The following MGAT4C variants were observed in gnomAD, a reference collection of about 807,000 sequenced individuals.
MGAT4C encodes MGAT4 family member C.
A neutral mutation model predicts 40.1 loss-of-function variants in MGAT4C; 19 were observed. The ratio of observed to expected loss-of-function variants is 0.47; its 90% CI spans 0.33 to 0.70. MGAT4C has a LOEUF of 0.70. MGAT4C is among the 30% of genes least tolerant of loss of function. The pLI is 0.02. For synonymous variants in MGAT4C, 181 were observed against 187.1 expected (o/e 0.97, Z 0.27); for missense variants, 491 against 563.2 (o/e 0.87, Z 1.30).
At chr12:86,178,157 T>C (rs147605123) in intron 1 of MGAT4C, among the ~76,000 whole-genome samples, 5,356 of 152,228 alleles carry the variant, frequency 0.035, 397 homozygotes, top group East Asian at 0.33. Context: ...AGGATGGTCT[T>C]GATCTCCTGA....
intron 3 of MGAT4C, among the ~76,000 whole-genome samples, chr12:86,429,690 C>G (rs1956996124): frequency 6.6e-6 from 1 of 152,046 alleles, no homozygotes; most frequent in Non-Finnish European, 1.5e-5. Flanking sequence ...TTTCTTATCA[C>G]TTGTCCTCAG....
At chr12:86,817,888 C>G (rs749729292) in intron 1 of MGAT4C, among the ~76,000 whole-genome samples, 2 of 151,330 alleles carry the variant, frequency 1.3e-5, no homozygotes, top group Non-Finnish European at 3.0e-5. Flanking sequence ...GCCTTTTAAA[C>G]TGCCTAAAGC....
chr12:86,511,221 C>G (rs546479288), intron 2 of MGAT4C, among the ~76,000 whole-genome samples: 6 of 151,968 alleles, frequency 3.9e-5, no homozygotes, highest in Non-Finnish European at 5.9e-5. Flanking sequence ...GGAAACTGAA[C>G]AACCTGCTCC....
At chr12:86,314,363 T>C (rs555428101) in intron 4 of MGAT4C, among the ~76,000 whole-genome samples, 1 of 152,274 alleles carries the variant, frequency 6.6e-6, no homozygotes, top group East Asian at 1.9e-4. Flanking sequence ...GAGACCATCC[T>C]AGCCAACATG....
At chr12:86,457,761 T>G (rs7973183) in intron 2 of MGAT4C, among the ~76,000 whole-genome samples, 135,035 of 152,038 alleles carry the variant, frequency 0.89, 60,155 homozygotes, top group East Asian at 1. Flanking sequence ...ACCCACTAAA[T>G]AAATGATGGC....
chr12:85,989,911 C>T (rs1206606139), intron 2 of MGAT4C, among the ~76,000 whole-genome samples: 1 of 152,016 alleles, frequency 6.6e-6, no homozygotes, highest in Non-Finnish European at 1.5e-5. Flanking sequence ...TGAGGTATAA[C>T]TTTAAGGTAA....
chr12:86,673,468 C>T (rs1213820427), intron 2 of MGAT4C, among the ~76,000 whole-genome samples: 1 of 152,120 alleles, frequency 6.6e-6, no homozygotes, highest in East Asian at 1.9e-4. Flanking sequence ...CACACATGCA[C>T]ACACACATAC....
chr12:86,006,271 C>A (rs1399870503), intron 2 of MGAT4C, among the ~76,000 whole-genome samples: 1 of 152,114 alleles, frequency 6.6e-6, no homozygotes, highest in African/African-American at 2.4e-5. Flanking sequence ...AAAGATTCTT[C>A]AAGCTCAAAT....
At chr12:86,689,159 A>G (rs1240561153) in intron 2 of MGAT4C, among the ~76,000 whole-genome samples, 1 of 152,090 alleles carries the variant, frequency 6.6e-6, no homozygotes, top group East Asian at 1.9e-4. Flanking sequence ...TGTATACTTC[A>G]CGAAGTTCTC....
At chr12:86,516,576 T>C (rs1050737829) in intron 2 of MGAT4C, among the ~76,000 whole-genome samples, 9 of 152,050 alleles carry the variant, frequency 5.9e-5, no homozygotes, top group African/African-American at 1.9e-4. Context: ...TTTTCTAATA[T>C]GAGACCAAAA....
At chr12:86,761,961 CA>C (rs1392280223) in intron 1 of MGAT4C, among the ~76,000 whole-genome samples, 1 of 151,894 alleles carries the variant, frequency 6.6e-6, no homozygotes, top group Non-Finnish European at 1.5e-5. Context: ...TTATCTTTGT[CA>C]GGGGGGCATT....
chr12:86,110,160 CAT>C (rs938213682), intron 1 of MGAT4C, among the ~76,000 whole-genome samples: 5 of 146,664 alleles, frequency 3.4e-5, no homozygotes, highest in African/African-American at 5.1e-5. Flanking sequence ...TTTTACGTAA[CAT>C]GTTAGGAGAT....
chr12:86,318,637 C>T (rs1453806738), intron 4 of MGAT4C, among the ~76,000 whole-genome samples: 2 of 151,958 alleles, frequency 1.3e-5, no homozygotes, highest in African/African-American at 4.8e-5. Context: ...AAGTCATGAA[C>T]AAAAAAGTCC....
rs538439531 is a variant in MGAT4C, at chr12:85,967,275, C to T, written c.*12014G>A. The T allele has an allele frequency of 1.2e-4, 18 of 152,022 alleles. No homozygotes were observed. The highest frequency in any genetic ancestry group is 3.4e-3 in the Middle Eastern group (1 of 294). 9.4% of individuals were successfully genotyped at this position (152,022 alleles called of 1,614,324 possible). Reference sequence around the variant, plus strand: ...ATTGCTTTAATTAAGTGATGTTTGCCTAAGAACAAGTTTCATTTCATCTCA... The same window carrying T: ...ATTGCTTTAATTAAGTGATGTTTGCTTAAGAACAAGTTTCATTTCATCTCA... On this transcript the variant is annotated 3_prime_UTR_variant, in exon 5 of 5. Coordinates refer to ENST00000611864, the MANE Select transcript of MGAT4C (RefSeq NM_001351288.2).
Position 86,168,298 on chromosome 12 carries a change from A to G in MGAT4C, c.-57+87941T>C, listed in dbSNP as rs543982627. ...AACTACAAAGTTATCATGTTAAATT[A>G]CTGAATTACTTCTTGAGAAATTATC... On this transcript the variant is annotated intron_variant, in intron 1 of 4. Coordinates refer to ENST00000611864, the MANE Select transcript of MGAT4C (RefSeq NM_001351288.2). Among the ~76,000 whole-genome samples, 9 of 152,324 alleles carry G rather than the reference A, an allele frequency of 5.9e-5. No homozygotes were observed. The East Asian group carries it at 9.6e-4, about 16-fold the overall frequency.
chr12:86,172,667 C>T (rs1886977236), intron 1 of MGAT4C, among the ~76,000 whole-genome samples: 1 of 152,060 alleles, frequency 6.6e-6, no homozygotes, highest in African/African-American at 2.4e-5. Context: ...GTTGTCTGTA[C>T]ATCCTATAAG....
At chr12:86,595,517 T>A (rs1265276536) in intron 2 of MGAT4C, among the ~76,000 whole-genome samples, 1 of 147,098 alleles carries the variant, frequency 6.8e-6, no homozygotes, top group African/African-American at 2.5e-5. Context: ...GGTGACAGAG[T>A]GAAACTCTGT....
intron 1 of MGAT4C, among the ~76,000 whole-genome samples, chr12:86,800,760 G>A (rs1952211023): frequency 6.6e-6 from 1 of 151,916 alleles, no homozygotes; most frequent in Non-Finnish European, 1.5e-5. Flanking sequence ...GTATTGAAAA[G>A]AGCCTGACAA....
intron 3 of MGAT4C, among the ~76,000 whole-genome samples, chr12:86,355,918 T>TAA (rs1566315825): frequency 6.6e-6 from 1 of 152,166 alleles, no homozygotes; most frequent in African/African-American, 2.4e-5. Flanking sequence ...ATAAAAGTTA[T>TAA]AAAATTATTT....
Sources: gnomAD v4.1 joint callset for allele counts (sites outside exome capture counted in the v4.1 genomes callset) on GRCh38, gnomAD v4.1.1 for gene constraint, MANE v1.5 for transcripts, NCBI Gene and HGNC (gene_info 2026-07-23, HGNC 2026-07-21) for gene names.